The following TMCC3 variants were observed in gnomAD, a reference collection of about 807,000 sequenced individuals.
TMCC3 encodes the protein transmembrane and coiled-coil domain protein 3.
TMCC3 carries 28 observed loss-of-function variants against 40.2 expected under a neutral mutation model. The observed-to-expected ratio is 0.70, with a 90% CI of 0.52 to 0.95. The LOEUF is 0.95. Among genes scored for constraint, TMCC3 ranks in the 40% least tolerant of loss-of-function variants. The probability of loss-of-function intolerance (pLI) is 0.00; values close to 1 mark genes in which losing one functional copy is unlikely to be tolerated. For missense variants in TMCC3, 554 were observed against 615.2 expected (o/e 0.90, Z 1.05); for synonymous variants, 255 against 248.5 (o/e 1.03, Z -0.25).
At chr12:94,639,764 GAAAAA>G (rs10716116) in intron 1 of TMCC3, among the ~76,000 whole-genome samples, 1 of 103,262 alleles carries the variant, frequency 9.7e-6, no homozygotes, top group African/African-American at 3.8e-5. Context: ...CAAGAGGTAA[GAAAAA>G]AAAAAAAAAA....
chr12:94,590,011 C>T (rs1420017540), intron 1 of TMCC3, among the ~76,000 whole-genome samples: 1 of 151,914 alleles, frequency 6.6e-6, no homozygotes, highest in Non-Finnish European at 1.5e-5. Flanking sequence ...AAAATTCTCC[C>T]TCAGGCTGAA....
chr12:94,585,672 C>G (rs754908878), intron 1 of TMCC3, among the ~76,000 whole-genome samples: 1 of 139,658 alleles, frequency 7.2e-6, no homozygotes, highest in Non-Finnish European at 1.5e-5. Flanking sequence ...AGTGACAGAG[C>G]GAGACACCGT....
intron 1 of TMCC3, among the ~76,000 whole-genome samples, chr12:94,607,926 A>G (rs2068793168): frequency 6.6e-6 from 1 of 152,316 alleles, no homozygotes; most frequent in Admixed American, 6.5e-5. Flanking sequence ...TGATTTCTAT[A>G]CTTTAATGAC....
intron 3 of TMCC3, among the ~76,000 whole-genome samples, chr12:94,574,731 G>T (rs1156601480): frequency 1.3e-5 from 2 of 152,218 alleles, no homozygotes. Context: ...TAACAGGCAT[G>T]TACTAGAAAT....
At chr12:94,596,826 G>A (rs2068717804) in intron 1 of TMCC3, among the ~76,000 whole-genome samples, 2 of 152,172 alleles carry the variant, frequency 1.3e-5, no homozygotes, top group South Asian at 4.2e-4. Flanking sequence ...TTTGCAATGA[G>A]ATCAAGAAGA....
chr12:94,623,867 A>T (rs1023490399), intron 1 of TMCC3, among the ~76,000 whole-genome samples: 1 of 152,224 alleles, frequency 6.6e-6, no homozygotes, highest in African/African-American at 2.4e-5. Flanking sequence ...AAGTCAAGCC[A>T]TGCAAACCAC....
intron 1 of TMCC3, among the ~76,000 whole-genome samples, chr12:94,645,595 G>A (rs1336060646): frequency 6.6e-6 from 1 of 152,072 alleles, no homozygotes; most frequent in Admixed American, 6.6e-5. Flanking sequence ...CTGCCACCAT[G>A]CCGAGCTAAT....
chr12:94,584,043 C>CA (rs889193682), intron 1 of TMCC3, among the ~76,000 whole-genome samples: 3 of 151,584 alleles, frequency 2.0e-5, no homozygotes, highest in African/African-American at 7.3e-5. Context: ...GGGCTGACAG[C>CA]AAAAAAATTA....
At chr12:94,605,968 A>T (rs1377435149) in intron 1 of TMCC3, among the ~76,000 whole-genome samples, 2 of 152,198 alleles carry the variant, frequency 1.3e-5, no homozygotes, top group East Asian at 3.8e-4. Flanking sequence ...TATGACTAAA[A>T]TTATATGTGG....
At chr12:94,615,862 A>G (rs1463663689) in intron 1 of TMCC3, 10 of 926,126 alleles carry the variant, frequency 1.1e-5, no homozygotes, top group Non-Finnish European at 1.0e-5. Flanking sequence ...AAAGACCACA[A>G]AGCTCCACAA....
At chr12:94,600,240 G>GTTTTTTTTTTT (rs530585319) in intron 1 of TMCC3, among the ~76,000 whole-genome samples, 1 of 102,068 alleles carries the variant, frequency 9.8e-6, no homozygotes, top group Admixed American at 1.0e-4. Context: ...CCAAATTCTG[G>GTTTTTTTTTTT]TTTTTTTTTT....
At chr12:94,638,833 A>G (rs986070096) in intron 1 of TMCC3, among the ~76,000 whole-genome samples, 3 of 152,242 alleles carry the variant, frequency 2.0e-5, no homozygotes, top group Admixed American at 2.0e-4. Context: ...ACACTGGAGT[A>G]AATATATTTA....
intron 3 of TMCC3, among the ~76,000 whole-genome samples, chr12:94,572,312 T>TTTTA: frequency 8.2e-6 from 1 of 121,374 alleles, no homozygotes; most frequent in Non-Finnish European, 1.8e-5. Flanking sequence ...TCATCTTTTT[T>TTTTA]TTTTTTTTTT....
At chr12:94,573,790 T>G (rs1396568251) in intron 3 of TMCC3, among the ~76,000 whole-genome samples, 1 of 151,928 alleles carries the variant, frequency 6.6e-6, no homozygotes, top group Non-Finnish European at 1.5e-5. Context: ...GCATATTCAG[T>G]ACACTCTGCC....
chr12:94,612,334 T>C (rs1398991727), intron 1 of TMCC3, among the ~76,000 whole-genome samples: 1 of 151,552 alleles, frequency 6.6e-6, no homozygotes, highest in Admixed American at 6.6e-5. Flanking sequence ...TTTTTTGAGA[T>C]GGAGTCTCGC....
intron 1 of TMCC3, among the ~76,000 whole-genome samples, chr12:94,640,172 G>A (rs924318538): frequency 2.0e-5 from 3 of 152,140 alleles, no homozygotes; most frequent in Non-Finnish European, 2.9e-5. Flanking sequence ...TCCAACACTT[G>A]CTAACTAGTT....
intron 1 of TMCC3, among the ~76,000 whole-genome samples, chr12:94,642,320 ATGTCT>A (rs1344828550): frequency 1.3e-5 from 2 of 152,188 alleles, no homozygotes; most frequent in Non-Finnish European, 2.9e-5. Context: ...GGAGTTAATA[ATGTCT>A]AAATTCCCTT....
intron 1 of TMCC3, among the ~76,000 whole-genome samples, chr12:94,592,015 A>G (rs1268392466): frequency 6.6e-6 from 1 of 152,224 alleles, no homozygotes; most frequent in East Asian, 1.9e-4. Flanking sequence ...ACACCTACAC[A>G]GAATATTCAA....
chr12:94,646,887 A>T (rs1217170450), intron 1 of TMCC3, among the ~76,000 whole-genome samples: 1 of 152,090 alleles, frequency 6.6e-6, no homozygotes, highest in Non-Finnish European at 1.5e-5. Flanking sequence ...CCCAGTTAAG[A>T]AGCTCGAAGA....
Sources: allele counts gnomAD v4.1 joint callset (sites outside exome capture counted in the v4.1 genomes callset), GRCh38; gene constraint gnomAD v4.1.1; transcripts MANE v1.5; gene names NCBI Gene and HGNC (gene_info 2026-07-23, HGNC 2026-07-21).